PDE4D: variants seen among roughly 807,000 people sequenced by gnomAD.
PDE4D encodes the protein 3',5'-cyclic-AMP phosphodiesterase 4D.
Under a neutral mutation model 87.4 loss-of-function variants are expected in PDE4D, and 24 were observed. The observed-to-expected ratio is 0.27, with a 90% CI of 0.20 to 0.39. The LOEUF is 0.39. Ranked by LOEUF, PDE4D falls within the 10% of genes least tolerant of loss-of-function variation. PDE4D has a pLI of 1.00. For missense variants in PDE4D, 714 were observed against 1,041.0 expected (o/e 0.69, Z 4.32); for synonymous variants, 384 against 383.2 (o/e 1.00, Z -0.02).
chr5:59,441,941 T>C (rs1797683056), intron 1 of PDE4D, among the ~76,000 whole-genome samples: 1 of 152,234 alleles, frequency 6.6e-6, no homozygotes, highest in South Asian at 2.1e-4. Flanking sequence ...GTTGTTCAAC[T>C]AGGAAAAAAC....
chr5:59,506,646 G>C (rs1809318126), intron 1 of PDE4D, among the ~76,000 whole-genome samples: 1 of 151,966 alleles, frequency 6.6e-6, no homozygotes, highest in Non-Finnish European at 1.5e-5. Flanking sequence ...TGGAGGAATA[G>C]TTTCCCATAC....
intron 1 of PDE4D, among the ~76,000 whole-genome samples, chr5:59,352,453 G>T (rs1271452041): frequency 6.6e-6 from 1 of 152,220 alleles, no homozygotes; most frequent in Non-Finnish European, 1.5e-5. Flanking sequence ...TGATTCACTG[G>T]TGGCATTCAC....
chr5:60,234,593 C>T (rs778873580), intron 1 of PDE4D, among the ~76,000 whole-genome samples: 22 of 151,802 alleles, frequency 1.4e-4, no homozygotes, highest in Non-Finnish European at 2.1e-4. Context: ...TTCTCTCTTT[C>T]TGGAAGGAAC....
chr5:59,856,129 G>T (rs567025370), intron 1 of PDE4D, among the ~76,000 whole-genome samples: 2 of 151,932 alleles, frequency 1.3e-5, no homozygotes, highest in South Asian at 4.1e-4. Flanking sequence ...ATTTTTAGCT[G>T]GAAAAAAATC....
intron 1 of PDE4D, among the ~76,000 whole-genome samples, chr5:59,834,154 C>T (rs1741661372): frequency 6.6e-6 from 1 of 152,124 alleles, no homozygotes; most frequent in Non-Finnish European, 1.5e-5. Context: ...AGCAAATACA[C>T]CCACTGCAAA....
At chr5:59,282,040 G>A (rs879483019) in intron 1 of PDE4D, among the ~76,000 whole-genome samples, 2 of 152,036 alleles carry the variant, frequency 1.3e-5, no homozygotes, top group Non-Finnish European at 2.9e-5. Context: ...CATCTGGTGT[G>A]TGTTTTTAAA....
chr5:59,147,343 A>G (rs370616654), intron 5 of PDE4D, among the ~76,000 whole-genome samples: 27 of 152,224 alleles, frequency 1.8e-4, no homozygotes, highest in Non-Finnish European at 3.2e-4. Context: ...GACAAAGGCT[A>G]TATTTGAAAA....
intron 5 of PDE4D, among the ~76,000 whole-genome samples, chr5:59,130,711 C>T (rs1776142368): frequency 1.3e-5 from 2 of 152,126 alleles, no homozygotes; most frequent in East Asian, 1.9e-4. Flanking sequence ...TAGCCCTGAA[C>T]CAATCAATTC....
intron 2 of PDE4D, among the ~76,000 whole-genome samples, chr5:60,117,077 T>C (rs1195056842): frequency 6.6e-6 from 1 of 152,020 alleles, no homozygotes; most frequent in Non-Finnish European, 1.5e-5. Context: ...CCAACTCTTA[T>C]CCACAACATA....
intron 3 of PDE4D, among the ~76,000 whole-genome samples, chr5:59,188,682 C>T (rs10051191): frequency 0.48 from 73,539 of 151,978 alleles, 18,710 homozygotes; most frequent in Middle Eastern, 0.6. Flanking sequence ...AGCGGCGACC[C>T]GCACTGGGAG....
rs111269013 is a variant in PDE4D, at chr5:59,613,633, C to T, written c.455+279535G>A. ...GGGGAAAGCCAGGGGAATGAGATGC[C>T]TTGAGACCCTGGGGAAGAGAGTTGT... On this transcript the variant is annotated intron_variant, in intron 1 of 14. Coordinates refer to ENST00000340635, the MANE Select transcript of PDE4D (RefSeq NM_001104631.2). 2.1e-3 allele frequency among the ~76,000 whole-genome samples: 323 copies of T among 152,230 alleles called. 1 individual carries two copies. Among genetic ancestry groups the T allele is most frequent in the African/African-American group, 7.5e-3 (313 of 41,536 alleles).
intron 1 of PDE4D, among the ~76,000 whole-genome samples, chr5:59,466,425 G>C (rs1033567052): frequency 6.6e-6 from 1 of 151,544 alleles, no homozygotes; most frequent in Non-Finnish European, 1.5e-5. Flanking sequence ...TCTGTGGTAT[G>C]AGGCTGGGTT....
At chr5:59,901,960 A>G (rs956285091) in intron 3 of PDE4D, among the ~76,000 whole-genome samples, 1 of 145,286 alleles carries the variant, frequency 6.9e-6, no homozygotes, top group African/African-American at 2.6e-5. Context: ...ACACACACAC[A>G]CACACACACA....
intron 1 of PDE4D, among the ~76,000 whole-genome samples, chr5:59,747,285 C>G (rs911230517): frequency 6.6e-6 from 1 of 152,182 alleles, no homozygotes; most frequent in South Asian, 2.1e-4. Context: ...TGACCCTCAC[C>G]AAACTTATGT....
intron 1 of PDE4D, among the ~76,000 whole-genome samples, chr5:59,557,540 A>C (rs1819164904): frequency 6.6e-6 from 1 of 152,136 alleles, no homozygotes; most frequent in Non-Finnish European, 1.5e-5. Flanking sequence ...CAAATGTAAA[A>C]ATACAATGAT....
chr5:60,204,842 T>C (rs1240781384), intron 1 of PDE4D, among the ~76,000 whole-genome samples: 1 of 152,152 alleles, frequency 6.6e-6, no homozygotes, highest in East Asian at 1.9e-4. Flanking sequence ...TGCAATGCTA[T>C]TCCACCTTAC....
intron 1 of PDE4D, among the ~76,000 whole-genome samples, chr5:59,439,445 C>T (rs968827759): frequency 5.3e-5 from 8 of 151,668 alleles, no homozygotes; most frequent in African/African-American, 9.7e-5. Flanking sequence ...TAAATGGCTT[C>T]GGTAACCCTG....
At chr5:59,933,792 T>TATATATAAA (rs1561879282) in intron 3 of PDE4D, among the ~76,000 whole-genome samples, 18 of 99,420 alleles carry the variant, frequency 1.8e-4, no homozygotes, top group Admixed American at 1.2e-3. Context: ...ATATATATAT[T>TATATATAAA]AATAAGCATT....
At chr5:59,100,367 G>A in intron 5 of PDE4D, among the ~76,000 whole-genome samples, 1 of 152,164 alleles carries the variant, frequency 6.6e-6, no homozygotes, top group East Asian at 1.9e-4. Context: ...TGTACATGTA[G>A]TTCCCTTTGT....
Sources: gnomAD v4.1 joint callset for allele counts (sites outside exome capture counted in the v4.1 genomes callset) on GRCh38, gnomAD v4.1.1 for gene constraint, MANE v1.5 for transcripts, NCBI Gene and HGNC (gene_info 2026-07-23, HGNC 2026-07-21) for gene names.